The following ALG11 variants were observed in gnomAD, a reference collection of about 807,000 sequenced individuals.
ALG11 encodes ALG11 alpha-1,2-mannosyltransferase, also known as GDP-Man:Man(3)GlcNAc(2)-PP-Dol alpha-1,2-mannosyltransferase.
A neutral mutation model predicts 38.8 loss-of-function variants in ALG11; 26 were observed. That is an observed-to-expected ratio of 0.67 (90% CI 0.49 to 0.93). The LOEUF (loss-of-function observed/expected upper bound fraction) is 0.93. ALG11 is among the 40% of genes least tolerant of loss of function. The probability of loss-of-function intolerance (pLI) is 0.00; values close to 1 mark genes in which losing one functional copy is unlikely to be tolerated. For synonymous variants in ALG11, 199 were observed against 211.6 expected (o/e 0.94, Z 0.52); for missense variants, 535 against 578.8 (o/e 0.92, Z 0.78).
intron 1 of ALG11, among the ~76,000 whole-genome samples, chr13:52,013,202 A>G (rs972566376): frequency 3.9e-5 from 6 of 152,108 alleles, no homozygotes; most frequent in African/African-American, 1.4e-4. Context: ...CACTAATAAA[A>G]CAGAAGGCCT....
At chr13:52,026,988 C>T (rs898376133) in intron 3 of ALG11, among the ~76,000 whole-genome samples, 9 of 151,922 alleles carry the variant, frequency 5.9e-5, no homozygotes, top group African/African-American at 1.7e-4. Context: ...AATGGAGAGG[C>T]GGGGAAAGCC....
intron 2 of ALG11, chr13:52,023,639 T>C (rs1003728069): frequency 2.0e-5 from 3 of 153,286 alleles, no homozygotes; most frequent in Non-Finnish European, 4.3e-5. Flanking sequence ...TGTAAGAAAA[T>C]AGTTATCTAC....
In ALG11 at chr13:52,029,410, A is replaced by T. The variant is rs778216187; in HGVS notation, c.*820A>T. 2 of 1,614,160 alleles carry T rather than the reference A, an allele frequency of 1.2e-6. No individual in the cohort carries two copies. Among genetic ancestry groups the T allele is most frequent in the Admixed American group, 3.3e-5 (2 of 60,000 alleles). ...ACAAGCAGCCAGTGACAGATCCTTTACTGACTCCCATGGAAAAGGCCTCTC... is the reference window on the plus strand; with the variant it reads ...ACAAGCAGCCAGTGACAGATCCTTTTCTGACTCCCATGGAAAAGGCCTCTC... On this transcript the variant is annotated 3_prime_UTR_variant, in exon 4 of 4. Transcript: ENST00000521508.
At position 52,024,504 on chromosome 13, in the gene ALG11, T is replaced by G. The variant is rs1593903249; in HGVS notation, c.774T>G (p.Ser258=). 6.2e-7 allele frequency: 1 copy of G among 1,614,120 alleles called. No homozygotes were observed. The highest frequency in any genetic ancestry group is 1.7e-5 in the Admixed American group (1 of 60,016). Residue 258 remains serine (S), a synonymous_variant, in exon 3 of 4, where the codon TCT becomes TCG. Transcript: ENST00000521508. ...GSCSDVVMVN[S]SWTLNHILSL... is the part of the protein sequence containing the mutation. Reference sequence around the variant, plus strand: ...GCAGTGATGTAGTCATGGTCAATTCTTCTTGGACACTAAACCATATTCTCT... The same window carrying G: ...GCAGTGATGTAGTCATGGTCAATTCGTCTTGGACACTAAACCATATTCTCT...
Position 52,012,810 on chromosome 13 carries a change from A to G in ALG11, c.44+348A>G, listed in dbSNP as rs549991388. Among the ~76,000 whole-genome samples the G allele has an allele frequency of 2.1e-3, 324 of 151,682 alleles. 2 individuals carry two copies. Among genetic ancestry groups the G allele is most frequent in the African/African-American group, 7.2e-3 (299 of 41,304 alleles). On this transcript the variant is annotated intron_variant, in intron 1 of 3. Coordinates refer to ENST00000521508, the MANE Select transcript of ALG11 (RefSeq NM_001004127.3). The stretch of plus-strand genomic sequence containing the variant: ...TTTCTTTACGATTGAGCCACGAGAC[A>G]TTTTCCAATCTATCATGTCTCTTTT...
Position 52,032,705 on chromosome 13 carries a change from T to TAAC in ALG11, c.*4116_*4118dup, listed in dbSNP as rs1242655719. On this transcript the variant is annotated 3_prime_UTR_variant, in exon 4 of 4. Coordinates refer to ENST00000521508, the MANE Select transcript of ALG11 (RefSeq NM_001004127.3). Reference sequence around the variant, plus strand: ...CACAGGATGTTCTGACACACCATTGTAACTTTTTGTTAGAGATGATCCCAT... The same window carrying TAAC: ...CACAGGATGTTCTGACACACCATTGTAACAACTTTTTGTTAGAGATGATCCCAT... The TAAC allele has an allele frequency of 6.0e-6, 1 of 167,128 alleles. No homozygotes were observed. Among genetic ancestry groups the TAAC allele is most frequent in the Non-Finnish European group, 1.5e-5 (1 of 68,128 alleles). The allele number at this position is 167,128 out of a possible 1,614,324, so 10.4% of individuals were successfully genotyped here.
chr13:52,022,640 T>A (rs1252743324), intron 2 of ALG11: 1 of 152,124 alleles, frequency 6.6e-6, no homozygotes, highest in Non-Finnish European at 1.5e-5. Flanking sequence ...ATAAAGACTC[T>A]CTCTCATCTC....
intron 3 of ALG11, among the ~76,000 whole-genome samples, chr13:52,027,344 G>C (rs1954251026): frequency 6.6e-6 from 1 of 152,156 alleles, no homozygotes; most frequent in Non-Finnish European, 1.5e-5. Flanking sequence ...ATAGGAAGGA[G>C]CCAGTAGAGA....
intron 3 of ALG11, among the ~76,000 whole-genome samples, chr13:52,025,756 G>A (rs941122391): frequency 5.3e-5 from 8 of 152,188 alleles, no homozygotes; most frequent in East Asian, 3.8e-4. Context: ...TTTCTCAAGC[G>A]CTTTGTGCCT....
chr13:52,018,913 G>GT lies in ALG11; in HGVS notation c.52dup (p.Tyr18LeufsTer39), dbSNP rs754091248. The GT allele has an allele frequency of 6.2e-7, 1 of 1,613,060 alleles. No homozygotes were observed. The highest frequency in any genetic ancestry group is 1.1e-5 in the South Asian group (1 of 91,052). ...TCTCAACTTTGTCCTCTTATTTCAGGTTTTTTTATTCATTATTCTTCCCTG... is the reference window on the plus strand; with the variant it reads ...TCTCAACTTTGTCCTCTTATTTCAGGTTTTTTTTATTCATTATTCTTCCCTG... On this transcript the variant is annotated frameshift_variant and splice_region_variant, in exon 2 of 4. Transcript: ENST00000521508. LOFTEE classifies it high-confidence loss of function.
At position 52,018,624 on chromosome 13, in the gene ALG11, A is replaced by C. The variant is rs1354147408; in HGVS notation, c.45-289A>C. On this transcript the variant is annotated intron_variant, in intron 1 of 3. Coordinates refer to ENST00000521508, the MANE Select transcript of ALG11 (RefSeq NM_001004127.3). The stretch of plus-strand genomic sequence containing the variant: ...AATTTGTTTTAATCCCATAACATAT[A>C]TACTAAGTCAGGAGAAAGGGGGTTC... Among the ~76,000 whole-genome samples the C allele has an allele frequency of 3.3e-5, 5 of 152,194 alleles. No homozygotes were observed. The East Asian group carries it at 9.6e-4, about 29-fold the overall frequency.
rs1954220901 is a variant in ALG11, at chr13:52,024,607, C to A, written c.877C>A (p.His293Asn). 1 of 1,613,892 alleles carries A rather than the reference C, an allele frequency of 6.2e-7. No homozygotes were observed. The highest frequency in any genetic ancestry group is 8.5e-7 in the Non-Finnish European group (1 of 1,179,850). Residue 293 changes from histidine (H) to asparagine (N), a missense_variant, in exon 3 of 4, where the codon CAT (histidine) becomes AAT (asparagine). By Grantham distance (68) the His-to-Asn change is moderately conservative. Transcript: ENST00000521508. ...GCAGACATTTCTGGACATTCCCTTA[C>A]ATGAGAAAAAGATGACCCCAGGACA... ...DVQTFLDIPL[H>N]EKKMTPGHLL...
Position 52,023,950 on chromosome 13 carries a change from G to A in ALG11, c.276-56G>A, listed in dbSNP as rs773666574. On this transcript the variant is annotated intron_variant, in intron 2 of 3. Transcript: ENST00000521508. ...GCTGGGATTACAGGTGCGTGCCACC[G>A]TGTCTGGCTAATTTTTGTAACTTAA... 5.5e-5 allele frequency: 84 copies of A among 1,541,084 alleles called. 1 individual carries two copies. The highest frequency in any genetic ancestry group is 6.6e-5 in the Non-Finnish European group (74 of 1,118,046).
chr13:52,029,033 T>C lies in ALG11; in HGVS notation c.*443T>C. 1 of 1,614,236 alleles carries C rather than the reference T, an allele frequency of 6.2e-7. No individual in the cohort carries two copies. ...GAAAGTGTCAGAGTTCAGTGTCAGT[T>C]CTGAAGGATCAGGAGAAAAGCTGGG... On this transcript the variant is annotated 3_prime_UTR_variant, in exon 4 of 4. Transcript: ENST00000521508.
intron 2 of ALG11, chr13:52,021,094 G>A (rs1356341198): frequency 6.6e-6 from 1 of 152,178 alleles, no homozygotes; most frequent in African/African-American, 2.4e-5. Context: ...ATATCAAATA[G>A]TGAGACGTGC....
chr13:52,029,529 AAG>A lies in ALG11; in HGVS notation c.*943_*944del, dbSNP rs1259609975. On this transcript the variant is annotated 3_prime_UTR_variant, in exon 4 of 4. Coordinates refer to ENST00000521508, the MANE Select transcript of ALG11 (RefSeq NM_001004127.3). The stretch of plus-strand genomic sequence containing the variant: ...TCCTACTATGAGGCCAAGGCTCGAA[AAG>A]AGAAGAAAATCAAAAGTAAAAAGTA... 1 of 1,614,218 alleles carries A rather than the reference AAG, an allele frequency of 6.2e-7. No homozygotes were observed. Among genetic ancestry groups the A allele is most frequent in the East Asian group, 2.2e-5 (1 of 44,884 alleles).
chr13:52,014,390 A>C (rs1044812654), intron 1 of ALG11, among the ~76,000 whole-genome samples: 1 of 152,196 alleles, frequency 6.6e-6, no homozygotes, highest in Non-Finnish European at 1.5e-5. Context: ...TGAATTCATA[A>C]AAAGTTTAAA....
In ALG11 at chr13:52,028,881, C is replaced by T. The variant is rs763477592; in HGVS notation, c.*291C>T. 1.9e-6 allele frequency: 3 copies of T among 1,614,160 alleles called. No homozygotes were observed. The highest frequency in any genetic ancestry group is 2.7e-5 in the African/African-American group (2 of 75,012). On this transcript the variant is annotated 3_prime_UTR_variant, in exon 4 of 4. Coordinates refer to ENST00000521508, the MANE Select transcript of ALG11 (RefSeq NM_001004127.3). ...CTAGTGGATTTGCCAAAAAACTACC[C>T]CTTGAGTGAAAATGAAGATGAGGGG... is the stretch of plus-strand genomic sequence containing the variant.
At position 52,031,736 on chromosome 13, in the gene ALG11, C is replaced by A. The variant is rs528207975; in HGVS notation, c.*3146C>A. The A allele has an allele frequency of 2.4e-5, 4 of 167,372 alleles. No homozygotes were observed. The South Asian group carries it at 8.3e-4, about 35-fold the overall frequency. 10.4% of individuals were successfully genotyped at this position (167,372 alleles called of 1,614,324 possible). Reference sequence around the variant, plus strand: ...GGTGGCATTTTGAAAGAGCGCTGGGCAAGCAGTTAGCACATCTGGGCCTAC... The same window carrying A: ...GGTGGCATTTTGAAAGAGCGCTGGGAAAGCAGTTAGCACATCTGGGCCTAC... On this transcript the variant is annotated 3_prime_UTR_variant, in exon 4 of 4. Coordinates refer to ENST00000521508, the MANE Select transcript of ALG11 (RefSeq NM_001004127.3).
Sources: gnomAD v4.1 joint callset for allele counts (sites outside exome capture counted in the v4.1 genomes callset) on GRCh38, gnomAD v4.1.1 for gene constraint, MANE v1.5 for transcripts, NCBI Gene and HGNC (gene_info 2026-07-23, HGNC 2026-07-21) for gene names.